The following AGBL4 variants were observed in gnomAD, a reference collection of about 807,000 sequenced individuals.
The protein encoded by AGBL4 is cytosolic carboxypeptidase 6.
A neutral mutation model predicts 66.4 loss-of-function variants in AGBL4; 58 were observed. The observed-to-expected ratio is 0.87, with a 90% CI of 0.71 to 1.09. AGBL4 has a LOEUF of 1.09. AGBL4 is among the 50% of genes least tolerant of loss of function. AGBL4 has a pLI of 0.00. For synonymous variants in AGBL4, 234 were observed against 222.9 expected (o/e 1.05, Z -0.44); for missense variants, 579 against 631.0 (o/e 0.92, Z 0.88).
intron 5 of AGBL4, among the ~76,000 whole-genome samples, chr1:49,019,394 C>A (rs1282207776): frequency 6.6e-6 from 1 of 152,164 alleles, no homozygotes. Flanking sequence ...ACCAGCCTGA[C>A]CCATAGCCAG....
At chr1:48,733,984 A>G (rs1648593946) in intron 6 of AGBL4, among the ~76,000 whole-genome samples, 2 of 152,156 alleles carry the variant, frequency 1.3e-5, no homozygotes, top group African/African-American at 4.8e-5. Flanking sequence ...ATCTGAAGGC[A>G]CCCAGGACCT....
chr1:48,572,695 G>A (rs912718589), intron 11 of AGBL4, among the ~76,000 whole-genome samples: 3 of 152,194 alleles, frequency 2.0e-5, no homozygotes, highest in East Asian at 3.9e-4. Context: ...TGAAGGGGGG[G>A]TGCGTCTCCT....
chr1:49,936,222 C>G (rs536883263), intron 1 of AGBL4, among the ~76,000 whole-genome samples: 22 of 151,934 alleles, frequency 1.4e-4, no homozygotes, highest in Non-Finnish European at 2.6e-4. Context: ...CGATCAACTG[C>G]AAGAAAGGGT....
At chr1:49,412,834 A>T (rs1038424401) in intron 3 of AGBL4, among the ~76,000 whole-genome samples, 2 of 152,188 alleles carry the variant, frequency 1.3e-5, no homozygotes, top group African/African-American at 4.8e-5. Context: ...TCAAAAGAAA[A>T]GGAGACTAAG....
intron 2 of AGBL4, among the ~76,000 whole-genome samples, chr1:49,773,810 T>C (rs776411445): frequency 7.9e-5 from 12 of 152,244 alleles, no homozygotes; most frequent in Middle Eastern, 6.8e-3. Context: ...CAAGAATGGG[T>C]GCACACAGGC....
chr1:48,804,477 A>T (rs773142758), intron 6 of AGBL4, among the ~76,000 whole-genome samples: 3 of 152,192 alleles, frequency 2.0e-5, no homozygotes, highest in Non-Finnish European at 4.4e-5. Context: ...TGGGATTTAT[A>T]CACAAGTCTC....
intron 6 of AGBL4, among the ~76,000 whole-genome samples, chr1:48,674,772 C>T (rs1042160234): frequency 3.3e-5 from 5 of 152,122 alleles, no homozygotes; most frequent in African/African-American, 1.2e-4. Context: ...CCTCAATTAA[C>T]TGTGGCTATT....
At chr1:48,853,797 T>A (rs570315867) in intron 6 of AGBL4, among the ~76,000 whole-genome samples, 1 of 152,288 alleles carries the variant, frequency 6.6e-6, no homozygotes, top group Non-Finnish European at 1.5e-5. Context: ...TCACAGCACA[T>A]TACACTGGCC....
chr1:50,012,847 T>C (rs1572058119), intron 1 of AGBL4, among the ~76,000 whole-genome samples: 2 of 152,174 alleles, frequency 1.3e-5, no homozygotes, highest in South Asian at 4.1e-4. Flanking sequence ...CATGTAAAAT[T>C]TTCTGAGAAC....
At chr1:49,926,230 C>T (rs1483408549) in intron 1 of AGBL4, among the ~76,000 whole-genome samples, 1 of 152,206 alleles carries the variant, frequency 6.6e-6, no homozygotes, top group Admixed American at 6.5e-5. Flanking sequence ...GAACAAGAGT[C>T]TCTGCCTGGT....
At position 49,622,817 on chromosome 1, in the gene AGBL4, T is replaced by C. The variant is rs1645393493; in HGVS notation, c.282+74496A>G. 2.0e-5 allele frequency among the ~76,000 whole-genome samples: 3 copies of C among 152,264 alleles called. No individual in the cohort carries two copies. In the East Asian group the frequency reaches 5.8e-4, roughly 29 times the overall value. Reference sequence around the variant, plus strand: ...GATTATCTTCAATTGCCATGATATTTTGTGCTTCATTCCCTTTGCTTATGC... The same window carrying C: ...GATTATCTTCAATTGCCATGATATTCTGTGCTTCATTCCCTTTGCTTATGC... On this transcript the variant is annotated intron_variant, in intron 3 of 13. Transcript: ENST00000371839.
intron 2 of AGBL4, among the ~76,000 whole-genome samples, chr1:49,819,073 G>A (rs1645301138): frequency 1.3e-5 from 2 of 152,054 alleles, no homozygotes; most frequent in Non-Finnish European, 2.9e-5. Flanking sequence ...GGATTCTTAG[G>A]AGAATTAGAG....
intron 2 of AGBL4, chr1:49,844,570 G>A (rs1646087846): frequency 2.2e-6 from 2 of 905,346 alleles, no homozygotes; most frequent in Non-Finnish European, 3.2e-6. Context: ...AATAGTCAAA[G>A]CCACTTGCAC....
chr1:48,833,536 A>G (rs1488464352), intron 6 of AGBL4, among the ~76,000 whole-genome samples: 2 of 152,176 alleles, frequency 1.3e-5, no homozygotes, highest in African/African-American at 4.8e-5. Flanking sequence ...AGATTTGGAA[A>G]ATTCTCAATT....
chr1:49,798,974 T>G (rs994923014), intron 2 of AGBL4, among the ~76,000 whole-genome samples: 1 of 152,058 alleles, frequency 6.6e-6, no homozygotes, highest in Non-Finnish European at 1.5e-5. Flanking sequence ...AATGCCAAAA[T>G]ACAGTCAGAA....
chr1:48,809,375 C>T (rs1215483476), intron 6 of AGBL4, among the ~76,000 whole-genome samples: 10 of 152,160 alleles, frequency 6.6e-5, no homozygotes, highest in Admixed American at 6.5e-4. Flanking sequence ...ACAGGCAGCA[C>T]CCTTGGCTAG....
chr1:48,577,280 A>G (rs10493134), intron 11 of AGBL4, among the ~76,000 whole-genome samples: 10,030 of 152,308 alleles, frequency 0.066, 439 homozygotes, highest in Non-Finnish European at 0.094. Flanking sequence ...AAACAGGTTC[A>G]AGTTACTTAG....
intron 5 of AGBL4, among the ~76,000 whole-genome samples, chr1:48,867,596 T>C (rs77135370): frequency 0.027 from 4,161 of 152,220 alleles, 181 homozygotes; most frequent in African/African-American, 0.096. Flanking sequence ...AGCTTTAGAT[T>C]TCCCTTTGCT....
intron 2 of AGBL4, among the ~76,000 whole-genome samples, chr1:49,713,002 G>T (rs1647792046): frequency 6.6e-6 from 1 of 151,988 alleles, no homozygotes; most frequent in East Asian, 1.9e-4. Flanking sequence ...GTAATATATA[G>T]TTGCCTCCAA....
Sources: allele counts gnomAD v4.1 joint callset (sites outside exome capture counted in the v4.1 genomes callset), GRCh38; gene constraint gnomAD v4.1.1; transcripts MANE v1.5; gene names NCBI Gene and HGNC (gene_info 2026-07-23, HGNC 2026-07-21).